Variants in PTPN4 observed in about 807,000 individuals in gnomAD.
PTPN4 encodes protein tyrosine phosphatase non-receptor type 4.
A neutral mutation model predicts 135.5 loss-of-function variants in PTPN4; 49 were observed. The ratio of observed to expected loss-of-function variants is 0.36; its 90% CI spans 0.29 to 0.46. The LOEUF (loss-of-function observed/expected upper bound fraction) is 0.46, where lower values mean the gene tolerates loss of function less well. Among genes scored for constraint, PTPN4 ranks in the 20% least tolerant of loss-of-function variants. PTPN4 has a pLI of 1.00. For missense variants in PTPN4, 860 were observed against 1,101.0 expected (o/e 0.78, Z 3.10); for synonymous variants, 333 against 369.9 (o/e 0.90, Z 1.14).
At chr2:119,866,950 G>A (rs1041914253) in intron 3 of PTPN4, among the ~76,000 whole-genome samples, 8 of 151,854 alleles carry the variant, frequency 5.3e-5, no homozygotes, top group African/African-American at 1.9e-4. Flanking sequence ...TTCTTGTCTC[G>A]TTTAACTCTG....
chr2:119,931,090 G>A (rs1488271233), intron 13 of PTPN4, among the ~76,000 whole-genome samples: 1 of 151,920 alleles, frequency 6.6e-6, no homozygotes, highest in Non-Finnish European at 1.5e-5. Context: ...GAAGACAACA[G>A]GATGTTTCAT....
intron 2 of PTPN4, among the ~76,000 whole-genome samples, chr2:119,824,405 T>G (rs1677116134): frequency 6.6e-6 from 1 of 152,224 alleles, no homozygotes; most frequent in African/African-American, 2.4e-5. Context: ...GGTCTCCAAC[T>G]CCTGGGCTTA....
chr2:119,883,201 G>A (rs1243799309), intron 8 of PTPN4, among the ~76,000 whole-genome samples: 1 of 151,826 alleles, frequency 6.6e-6, no homozygotes, highest in East Asian at 1.9e-4. Context: ...TGAAAACTTT[G>A]TTTCATACAC....
chr2:119,795,424 C>T (rs992331283), intron 1 of PTPN4, among the ~76,000 whole-genome samples: 1 of 152,260 alleles, frequency 6.6e-6, no homozygotes, highest in African/African-American at 2.4e-5. Flanking sequence ...GGGCCTCACC[C>T]CCTCCTCGGC....
intron 26 of PTPN4, among the ~76,000 whole-genome samples, chr2:119,971,233 A>C (rs1025692358): frequency 3.3e-5 from 5 of 151,074 alleles, no homozygotes; most frequent in Non-Finnish European, 7.4e-5. Context: ...GGCGGGAGAG[A>C]GACAGAGAAA....
intron 22 of PTPN4, among the ~76,000 whole-genome samples, chr2:119,959,273 A>G (rs1017813154): frequency 9.2e-5 from 14 of 151,750 alleles, no homozygotes; most frequent in Non-Finnish European, 1.8e-4. Flanking sequence ...CCACAATACT[A>G]TTTTAACACT....
rs374203083 is a variant in PTPN4, at chr2:119,945,174, G to A, written c.1449G>A (p.Ser483=). The A allele has an allele frequency of 1.3e-5, 21 of 1,594,868 alleles. No homozygotes were observed. The highest frequency in any genetic ancestry group is 9.2e-5 in the East Asian group (4 of 43,458). The change falls in exon 16 of 27, where the codon TCG becomes TCA. Residue 483 remains serine, a synonymous_variant. Coordinates refer to ENST00000263708, the MANE Select transcript of PTPN4 (RefSeq NM_002830.4). ...GGAACCAAATTCATTATTCACATTC[G>A]CAACAAGATCTAGAAAGTCATATTA... The part of the protein sequence containing the change: ...NSWNQIHYSH[S]QQDLESHINE...
At chr2:119,865,748 A>T (rs1389830978) in intron 3 of PTPN4, among the ~76,000 whole-genome samples, 2 of 152,086 alleles carry the variant, frequency 1.3e-5, no homozygotes, top group Non-Finnish European at 2.9e-5. Context: ...ATACATATGC[A>T]CATGTATGTA....
intron 2 of PTPN4, among the ~76,000 whole-genome samples, chr2:119,823,588 T>C (rs1053329080): frequency 6.6e-6 from 1 of 152,224 alleles, no homozygotes; most frequent in African/African-American, 2.4e-5. Flanking sequence ...CTTTTGTATC[T>C]TTTCACTTTC....
rs377170877 is a variant in PTPN4, at chr2:119,976,588, T to C, written c.2695-396T>C. Among the ~76,000 whole-genome samples, 3 of 152,206 alleles carry C rather than the reference T, an allele frequency of 2.0e-5. No individual in the cohort carries two copies. In the East Asian group the frequency reaches 5.8e-4, roughly 29 times the overall value. On this transcript the variant is annotated intron_variant, in intron 26 of 26. Coordinates refer to ENST00000263708, the MANE Select transcript of PTPN4 (RefSeq NM_002830.4). ...TAAATTGTTTCCACCTTTTCTGTTA[T>C]AAATAATTAGGCAATGAATAGCCTT...
In PTPN4 at chr2:119,778,926, C is replaced by T. The variant is rs1690887615; in HGVS notation, c.-18+18542C>T. ...ATGATTACCAGGAATACTTTGTTGTCGTATACCATTTCTTAAATAAGAAGC... is the reference window on the plus strand; with the variant it reads ...ATGATTACCAGGAATACTTTGTTGTTGTATACCATTTCTTAAATAAGAAGC... On this transcript the variant is annotated intron_variant, in intron 1 of 26. Coordinates refer to ENST00000263708, the MANE Select transcript of PTPN4 (RefSeq NM_002830.4). Among the ~76,000 whole-genome samples, 6 of 147,812 alleles carry T rather than the reference C, an allele frequency of 4.1e-5. No homozygotes were observed. The South Asian group carries it at 1.1e-3, about 27-fold the overall frequency.
chr2:119,829,698 C>G (rs1677193103), intron 2 of PTPN4, among the ~76,000 whole-genome samples: 1 of 152,152 alleles, frequency 6.6e-6, no homozygotes, highest in Admixed American at 6.5e-5. Flanking sequence ...GGGTATACCA[C>G]ATTTTGTTTA....
At chr2:119,783,685 G>T (rs889971067) in intron 1 of PTPN4, among the ~76,000 whole-genome samples, 10 of 152,196 alleles carry the variant, frequency 6.6e-5, no homozygotes, top group African/African-American at 2.2e-4. Context: ...GTAACCGTAG[G>T]CAAGCCACTT....
intron 26 of PTPN4, among the ~76,000 whole-genome samples, chr2:119,973,667 T>TTG (rs1215075432): frequency 9.4e-5 from 13 of 138,184 alleles, no homozygotes; most frequent in South Asian, 6.8e-4. Flanking sequence ...TTTTTTTTTT[T>TTG]TTTTTTTTTT....
At chr2:119,828,615 A>G (rs933926875) in intron 2 of PTPN4, among the ~76,000 whole-genome samples, 19 of 152,334 alleles carry the variant, frequency 1.2e-4, no homozygotes, top group African/African-American at 4.3e-4. Flanking sequence ...ACACTGTGAA[A>G]CAGTTTTCCA....
chr2:119,920,937 T>C (rs1363376160), intron 12 of PTPN4, among the ~76,000 whole-genome samples: 3 of 152,184 alleles, frequency 2.0e-5, no homozygotes, highest in Admixed American at 2.0e-4. Flanking sequence ...CAAATGTTAT[T>C]CATTCTTGTT....
chr2:119,782,724 T>C (rs912392794), intron 1 of PTPN4, among the ~76,000 whole-genome samples: 4 of 135,366 alleles, frequency 3.0e-5, no homozygotes, highest in African/African-American at 1.1e-4. Flanking sequence ...CTTTTTTTTT[T>C]TGAGACGACC....
chr2:119,865,162 T>A (rs903882486), intron 3 of PTPN4, among the ~76,000 whole-genome samples: 1 of 152,110 alleles, frequency 6.6e-6, no homozygotes, highest in East Asian at 1.9e-4. Context: ...ACAAATCTTA[T>A]AAACAGTGTC....
chr2:119,951,766 G>A (rs560631567), intron 18 of PTPN4, among the ~76,000 whole-genome samples: 1 of 152,224 alleles, frequency 6.6e-6, no homozygotes, highest in Non-Finnish European at 1.5e-5. Context: ...TAGGTCATCA[G>A]GAAAGAAATT....
Sources: gnomAD v4.1 joint callset for allele counts (sites outside exome capture counted in the v4.1 genomes callset) on GRCh38, gnomAD v4.1.1 for gene constraint, MANE v1.5 for transcripts, NCBI Gene and HGNC (gene_info 2026-07-23, HGNC 2026-07-21) for gene names.